ADGRV1: variants seen among roughly 807,000 people sequenced by gnomAD.
The protein encoded by ADGRV1 is G-protein coupled receptor 98.
ADGRV1 carries 359 observed loss-of-function variants against 596.2 expected under a neutral mutation model. The observed-to-expected ratio is 0.60, with a 90% CI of 0.55 to 0.66. The LOEUF (loss-of-function observed/expected upper bound fraction) is 0.66. Among genes scored for constraint, ADGRV1 ranks in the 30% least tolerant of loss-of-function variants. The probability of loss-of-function intolerance (pLI) is 0.00; values close to 1 mark genes in which losing one functional copy is unlikely to be tolerated. For missense variants in ADGRV1, 7,274 were observed against 7,575.6 expected (o/e 0.96, Z 1.48); for synonymous variants, 2,681 against 2,679.2 (o/e 1.00, Z -0.02).
intron 75 of ADGRV1, among the ~76,000 whole-genome samples, chr5:90,823,147 T>C (rs768936032): frequency 6.6e-6 from 1 of 152,210 alleles, no homozygotes; most frequent in South Asian, 2.1e-4. Flanking sequence ...ATTATTTGTT[T>C]TTACATTCCT....
In ADGRV1 at chr5:90,675,450, T is replaced by C. The variant is rs1343714076; in HGVS notation, c.5313+5T>C. The C allele has an allele frequency of 6.2e-7, 1 of 1,610,396 alleles. No homozygotes were observed. Among genetic ancestry groups the C allele is most frequent in the South Asian group, 1.1e-5 (1 of 90,422 alleles). On this transcript the variant is annotated splice_donor_5th_base_variant and intron_variant, in intron 24 of 89. Transcript: ENST00000405460. ...TTCAGTCCTGAGGATTACCAGGTAA[T>C]TTACTCAGTCCTTTTGAAGTTGTAT...
At chr5:91,074,891 T>A (rs79599304) in intron 86 of ADGRV1, among the ~76,000 whole-genome samples, 25 of 152,332 alleles carry the variant, frequency 1.6e-4, no homozygotes, top group Non-Finnish European at 2.8e-4. Context: ...TGAAGTGGTA[T>A]CTCATTGTGG....
intron 77 of ADGRV1, among the ~76,000 whole-genome samples, chr5:90,829,567 C>T (rs1286607627): frequency 6.6e-6 from 1 of 152,066 alleles, no homozygotes; most frequent in Non-Finnish European, 1.5e-5. Flanking sequence ...TTTTCTTTTT[C>T]AGAACCTCCA....
intron 1 of ADGRV1, among the ~76,000 whole-genome samples, chr5:90,579,201 G>A (rs1757642810): frequency 6.6e-6 from 1 of 152,080 alleles, no homozygotes; most frequent in Admixed American, 6.6e-5. Context: ...TGATGTTACG[G>A]TGCCGATTTT....
rs566541582 is a variant in ADGRV1 at position 90,789,982 on chromosome 5, A to G, written c.14043+131A>G. ...TAAAGTTACGTGAGTTTTCAGAGAA[A>G]CAGAGGCTTTATTTAAACATCTTTG... is the stretch of plus-strand genomic sequence containing the variant. On this transcript the variant is annotated intron_variant, in intron 69 of 89. Transcript: ENST00000405460. The G allele has an allele frequency of 1.5e-5, 8 of 545,270 alleles. No homozygotes were observed. In the East Asian group the frequency reaches 2.3e-4, roughly 16 times the overall value. 33.8% of individuals were successfully genotyped at this position (545,270 alleles called of 1,614,324 possible). A position where few individuals can be genotyped will look rare whatever the true frequency, so the allele number is the denominator to read the frequency against.
chr5:90,700,366 G>C (rs186879416), intron 34 of ADGRV1, among the ~76,000 whole-genome samples: 1 of 152,266 alleles, frequency 6.6e-6, no homozygotes, highest in African/African-American at 2.4e-5. Context: ...TGATTCATGG[G>C]AGGAATTGCC....
chr5:90,796,071 C>T (rs1760677173), intron 70 of ADGRV1, among the ~76,000 whole-genome samples: 1 of 152,182 alleles, frequency 6.6e-6, no homozygotes. Context: ...GCTGCTTCTC[C>T]TCCAATGGAT....
intron 54 of ADGRV1, 91 bp from the exon 55 acceptor site, chr5:90,754,892 G>A: frequency 2.4e-6 from 2 of 848,756 alleles, no homozygotes; most frequent in Non-Finnish European, 2.0e-6. Flanking sequence ...TGTCTACAAG[G>A]GATAGAGTAG....
At chr5:91,076,679 T>A (rs1788884202) in intron 86 of ADGRV1, among the ~76,000 whole-genome samples, 2 of 152,110 alleles carry the variant, frequency 1.3e-5, no homozygotes, top group Admixed American at 6.6e-5. Context: ...ATTAGGACTA[T>A]TTTTATAAGA....
intron 85 of ADGRV1, among the ~76,000 whole-genome samples, chr5:91,060,880 A>G (rs961664741): frequency 3.3e-5 from 5 of 152,196 alleles, no homozygotes; most frequent in Non-Finnish European, 7.3e-5. Flanking sequence ...GTGATGAATA[A>G]TTAAACGTTT....
At chr5:90,927,058 GT>G (rs1382395292) in intron 83 of ADGRV1, among the ~76,000 whole-genome samples, 1 of 147,464 alleles carries the variant, frequency 6.8e-6, no homozygotes, top group Admixed American at 6.7e-5. Context: ...TTCCAAGTAT[GT>G]GGTCAATTTT....
At chr5:90,705,627 A>G in intron 37 of ADGRV1, 48 bp downstream of exon 37, 1 of 1,462,602 alleles carries the variant, frequency 6.8e-7, no homozygotes, top group Non-Finnish European at 9.4e-7. Context: ...AGTGCTTATT[A>G]ATATTCTACT....
Position 90,815,857 on chromosome 5 carries a change from C to T in ADGRV1, c.16196+121C>T, listed in dbSNP as rs552353561. ...GAAGGAGGTAGTGTCGAATTTGGCA[C>T]GTCTTCAGATGCTCTAGTTCTTAAT... On this transcript the variant is annotated intron_variant, in intron 75 of 89. Transcript: ENST00000405460. 2.2e-4 allele frequency: 135 copies of T among 616,126 alleles called. 1 individual carries two copies. The highest frequency in any genetic ancestry group is 1.4e-4 in the Non-Finnish European group (48 of 339,554). The allele number at this position is 616,126 out of a possible 1,614,324, so 38.2% of individuals were successfully genotyped here.
At chr5:90,596,073 C>G (rs187484431) in intron 1 of ADGRV1, among the ~76,000 whole-genome samples, 3,163 of 143,732 alleles carry the variant, frequency 0.022, 93 homozygotes, top group African/African-American at 0.068. Context: ...ACTTCTCAGA[C>G]GGGGCGGCCG....
At position 90,705,516 on chromosome 5, in the gene ADGRV1, G is replaced by T; in HGVS notation, c.8503G>T (p.Val2835Leu). Residue 2835 changes from valine to leucine, a missense_variant, in exon 37 of 90, where the codon GTG (valine) becomes TTG (leucine). Around this residue, in one of 5 missense-constraint regions of ADGRV1, gnomAD observed 3,643 missense variants for 3,809.2 expected, o/e 0.96. Coordinates refer to ENST00000405460, the MANE Select transcript of ADGRV1 (RefSeq NM_032119.4). ...VLNFALSSRF[V>L]LLQEANITIQ... ...AAATTTTGCTCTTTCATCAAGATTTGTGTTACTACAAGAGGCTAACATAAC... is the reference window on the plus strand; with the variant it reads ...AAATTTTGCTCTTTCATCAAGATTTTTGTTACTACAAGAGGCTAACATAAC... The T allele has an allele frequency of 6.2e-7, 1 of 1,613,796 alleles. No individual in the cohort carries two copies. The highest frequency in any genetic ancestry group is 1.3e-5 in the African/African-American group (1 of 75,018).
At chr5:91,018,973 A>G (rs1393212314) in intron 85 of ADGRV1, among the ~76,000 whole-genome samples, 1 of 151,982 alleles carries the variant, frequency 6.6e-6, no homozygotes, top group Admixed American at 6.6e-5. Context: ...CAGGGTGGCA[A>G]CATAATGGCT....
At chr5:90,560,231 A>G (rs746108733) in intron 1 of ADGRV1, among the ~76,000 whole-genome samples, 4 of 152,152 alleles carry the variant, frequency 2.6e-5, no homozygotes, top group Admixed American at 1.3e-4. Flanking sequence ...TAAAAATATT[A>G]TATCTCTCAA....
chr5:90,996,253 G>T (rs1303566878), intron 85 of ADGRV1, among the ~76,000 whole-genome samples: 2 of 152,166 alleles, frequency 1.3e-5, no homozygotes, highest in Non-Finnish European at 2.9e-5. Flanking sequence ...AAATGGTTTT[G>T]TGGGCCAGGC....
chr5:90,971,215 T>G (rs570454576), intron 84 of ADGRV1, among the ~76,000 whole-genome samples: 7 of 152,118 alleles, frequency 4.6e-5, no homozygotes, highest in African/African-American at 1.2e-4. Flanking sequence ...AGACCAAATC[T>G]ACGTCTGATT....
Sources: allele counts gnomAD v4.1 joint callset (sites outside exome capture counted in the v4.1 genomes callset), GRCh38; gene constraint gnomAD v4.1.1; regional missense constraint gnomAD v4.1.1; transcripts MANE v1.5; gene names NCBI Gene and HGNC (gene_info 2026-07-23, HGNC 2026-07-21).